Variants in PISD observed in about 807,000 individuals in gnomAD.
PISD encodes phosphatidylserine decarboxylase, also known as phosphatidylserine decarboxylase proenzyme, mitochondrial.
A neutral mutation model predicts 43.5 loss-of-function variants in PISD; 31 were observed. That is an observed-to-expected ratio of 0.71 (90% CI 0.54 to 0.96). The LOEUF is 0.96. Ranked by LOEUF, PISD falls within the 40% of genes least tolerant of loss-of-function variation. The probability of loss-of-function intolerance (pLI) is 0.00; values close to 1 mark genes in which losing one functional copy is unlikely to be tolerated. For missense variants in PISD, 523 were observed against 548.4 expected (o/e 0.95, Z 0.46); for synonymous variants, 259 against 228.7 (o/e 1.13, Z -1.20).
At chr22:31,625,119 G>A (rs1050549787) in intron 3 of PISD, among the ~76,000 whole-genome samples, 21 of 152,342 alleles carry the variant, frequency 1.4e-4, no homozygotes, top group Admixed American at 4.6e-4. Flanking sequence ...TCTCCCAGTT[G>A]CTGAGCAAAC....
At chr22:31,628,189 G>A (rs1346218902) in intron 3 of PISD, 1 of 985,558 alleles carries the variant, frequency 1.0e-6, no homozygotes, top group African/African-American at 1.7e-5. Context: ...CACAGGCTGA[G>A]CACCGTCTGT....
At chr22:31,628,264 G>A (rs919965727) in intron 3 of PISD, 5 of 876,156 alleles carry the variant, frequency 5.7e-6, no homozygotes, top group Non-Finnish European at 6.8e-6. Flanking sequence ...TGCTTCCCAA[G>A]GCCAAGCCAC....
At chr22:31,653,725 G>A (rs577339830) in intron 1 of PISD, among the ~76,000 whole-genome samples, 1 of 152,324 alleles carries the variant, frequency 6.6e-6, no homozygotes, top group South Asian at 2.1e-4. Flanking sequence ...GCTCATGACT[G>A]TAATTCCAGC....
At chr22:31,656,201 G>A (rs772912244) in intron 1 of PISD, among the ~76,000 whole-genome samples, 3 of 152,076 alleles carry the variant, frequency 2.0e-5, no homozygotes, top group African/African-American at 4.8e-5. Flanking sequence ...AAAATTAGAC[G>A]GGTGTGATGG....
In PISD at chr22:31,623,764, G is replaced by A. The variant is rs765563551; in HGVS notation, c.322-1879C>T. The A allele has an allele frequency of 1.9e-6, 3 of 1,614,166 alleles. No homozygotes were observed. The Admixed American group carries it at 5.0e-5, about 27-fold the overall frequency. ...AGGAGGTAGTAGAGGACGGTCAAGG[G>A]CCAGGAGCGCAGTTTCAGAGCGGGT... On this transcript the variant is annotated intron_variant, in intron 3 of 7. Transcript: ENST00000439502.
chr22:31,652,766 T>C (rs754401944), intron 1 of PISD, among the ~76,000 whole-genome samples: 6 of 151,568 alleles, frequency 4.0e-5, no homozygotes, highest in Middle Eastern at 3.4e-3. Flanking sequence ...AGGCTGGGCA[T>C]TGTGGTTCAC....
chr22:31,628,769 A>T (rs2073042520), intron 3 of PISD: 1 of 941,208 alleles, frequency 1.1e-6, no homozygotes, highest in African/African-American at 1.8e-5. Flanking sequence ...CACAGCTGCA[A>T]CCATGGCCCA....
In PISD at chr22:31,625,731, G is replaced by A. The variant is rs573515462; in HGVS notation, c.322-3846C>T. 25 of 1,565,902 alleles carry A rather than the reference G, an allele frequency of 1.6e-5. 1 individual carries two copies. Among genetic ancestry groups the A allele is most frequent in the Middle Eastern group, 3.3e-4 (2 of 6,028 alleles). On this transcript the variant is annotated intron_variant, in intron 3 of 7. Transcript: ENST00000439502. Reference sequence around the variant, plus strand: ...CTTCCGGAGGTCGTGGCGGGGAACCGTGGGGTTAGGGCGCGGTGGGCAGCA... The same window carrying A: ...CTTCCGGAGGTCGTGGCGGGGAACCATGGGGTTAGGGCGCGGTGGGCAGCA...
chr22:31,644,531 G>A (rs113736805), intron 3 of PISD, among the ~76,000 whole-genome samples: 13 of 152,048 alleles, frequency 8.5e-5, no homozygotes, highest in African/African-American at 2.7e-4. Flanking sequence ...GAGCCACCAC[G>A]CCCAGCCTCA....
In PISD at chr22:31,652,410, T is replaced by C. The variant is rs113527717; in HGVS notation, c.66-1632A>G. Among the ~76,000 whole-genome samples, 146 of 151,950 alleles carry C rather than the reference T, an allele frequency of 9.6e-4. 1 individual carries two copies. The highest frequency in any genetic ancestry group is 3.3e-3 in the African/African-American group (136 of 41,496). On this transcript the variant is annotated intron_variant, in intron 1 of 7. Transcript: ENST00000439502. ...CCCGCCAAAGTGCTGGGATTACAGATGTGAGCCACAGCACTTGGCCCAAGT... is the reference window on the plus strand; with the variant it reads ...CCCGCCAAAGTGCTGGGATTACAGACGTGAGCCACAGCACTTGGCCCAAGT...
chr22:31,661,467 A>G (rs1488723590), intron 1 of PISD, among the ~76,000 whole-genome samples: 1 of 152,152 alleles, frequency 6.6e-6, no homozygotes, highest in African/African-American at 2.4e-5. Flanking sequence ...CACGGCGGGC[A>G]GCCTGAGAGA....
chr22:31,660,955 G>A (rs1378513937), intron 1 of PISD, among the ~76,000 whole-genome samples: 4 of 152,024 alleles, frequency 2.6e-5, no homozygotes, highest in South Asian at 4.1e-4. Flanking sequence ...GGCTGGTCTC[G>A]AACTCCTGAC....
At chr22:31,655,616 G>A (rs960547279) in intron 1 of PISD, among the ~76,000 whole-genome samples, 3 of 151,142 alleles carry the variant, frequency 2.0e-5, no homozygotes, top group African/African-American at 7.3e-5. Context: ...ACTGCACCAG[G>A]CCAGGACTCG....
Position 31,621,485 on chromosome 22 carries a change from G to GA in PISD, c.559-14dup. ...CCGATGGGCTAATCTGGAAGGGCAG[G>GA]AGAGGCTTGCTGCCAGGGAGAGCAG... On this transcript the variant is annotated splice_polypyrimidine_tract_variant and intron_variant, in intron 4 of 7. Transcript: ENST00000439502. 1 of 1,613,970 alleles carries GA rather than the reference G, an allele frequency of 6.2e-7. No homozygotes were observed. Among genetic ancestry groups the GA allele is most frequent in the Non-Finnish European group, 8.5e-7 (1 of 1,179,978 alleles).
intron 2 of PISD, among the ~76,000 whole-genome samples, chr22:31,649,038 A>T (rs1313035703): frequency 6.6e-6 from 1 of 152,092 alleles, no homozygotes; most frequent in Non-Finnish European, 1.5e-5. Flanking sequence ...GCAAAATCTC[A>T]TAAACTCTTA....
At chr22:31,628,741 C>G in intron 3 of PISD, 2 of 754,132 alleles carry the variant, frequency 2.7e-6, no homozygotes, top group Non-Finnish European at 3.2e-6. Flanking sequence ...CTCCTGGCCA[C>G]CCCCTTGAGG....
intron 3 of PISD, among the ~76,000 whole-genome samples, chr22:31,622,565 C>T (rs1235628940): frequency 2.0e-5 from 3 of 152,120 alleles, no homozygotes; most frequent in African/African-American, 4.8e-5. Flanking sequence ...CCACCTTGGC[C>T]CCACGGCAGG....
intron 3 of PISD, chr22:31,623,705 C>T (rs777669105): frequency 6.2e-7 from 1 of 1,613,950 alleles, no homozygotes; most frequent in Non-Finnish European, 8.5e-7. Context: ...GCCTCCATCC[C>T]ACCCGGCTGA....
At position 31,662,170 on chromosome 22, in the gene PISD, C is replaced by T. The variant is rs754318936; in HGVS notation, c.39G>A (p.Leu13=). The stretch of plus-strand genomic sequence containing the variant: ...TGCTCCGCCACGGCGCGACCCCGTG[C>T]AGTAATCCCAGACATCGGTGCCCCA... ...TSVGHRCLGL[L]HGVAPWRSSL... is the part of the protein sequence containing the mutation. The change falls in exon 1 of 8, where the codon CTG becomes CTA. Residue 13 remains leucine (L), a synonymous_variant. Coordinates refer to ENST00000439502, the MANE Select transcript of PISD (RefSeq NM_001326411.2). 1.9e-6 allele frequency: 3 copies of T among 1,606,554 alleles called. No individual in the cohort carries two copies. In the African/African-American group the frequency reaches 4.0e-5, roughly 21 times the overall value.
Sources: gnomAD v4.1 joint callset for allele counts (sites outside exome capture counted in the v4.1 genomes callset) on GRCh38, gnomAD v4.1.1 for gene constraint, MANE v1.5 for transcripts, NCBI Gene and HGNC (gene_info 2026-07-23, HGNC 2026-07-21) for gene names.